Variants in TASP1 observed in about 807,000 individuals in gnomAD.
The protein encoded by TASP1 is taspase 1, also known as threonine aspartase 1.
A neutral mutation model predicts 56.6 loss-of-function variants in TASP1; 16 were observed. That is an observed-to-expected ratio of 0.28 (90% CI 0.19 to 0.43). The LOEUF (loss-of-function observed/expected upper bound fraction) is 0.43, where lower values mean the gene tolerates loss of function less well. TASP1 is among the 20% of genes least tolerant of loss of function. The pLI, the probability that TASP1 is intolerant of heterozygous loss-of-function variation, is 1.00. For synonymous variants in TASP1, 179 were observed against 184.2 expected, an observed-to-expected ratio of 0.97 and a Z score of 0.23; for missense variants, 393 against 511.6, an observed-to-expected ratio of 0.77 and a Z score of 2.24.
At chr20:13,263,505 A>G in the TASP1 span, among the ~76,000 whole-genome samples, 2 of 152,196 alleles carry the variant, frequency 1.3e-5, no homozygotes, top group Non-Finnish European at 2.9e-5. Context: ...CATGTTAAAG[A>G]TAATCAGTGT....
At chr20:13,249,778 GCGTTTTGTTTTGTTTTGTTTTGTTT>G in the TASP1 span, among the ~76,000 whole-genome samples, 14,070 of 143,170 alleles carry the variant, frequency 0.098, 748 homozygotes, top group Middle Eastern at 0.15. Context: ...ATTTTTTGTT[GCGTTTTGTTTTGTTTTGTTTTGTTT>G]TGTTTTGTTT....
chr20:13,334,558 TG>T, the TASP1 span, among the ~76,000 whole-genome samples: 1 of 152,192 alleles, frequency 6.6e-6, no homozygotes, highest in Non-Finnish European at 1.5e-5. Context: ...ACTAAAAGCT[TG>T]GATACTAAAT....
the TASP1 span, among the ~76,000 whole-genome samples, chr20:13,314,062 A>T: frequency 6.6e-6 from 1 of 152,222 alleles, no homozygotes; most frequent in Non-Finnish European, 1.5e-5. Context: ...AGACATCTCA[A>T]TAGAAACCAC....
chr20:13,371,223 C>G, the TASP1 span, among the ~76,000 whole-genome samples: 1 of 152,014 alleles, frequency 6.6e-6, no homozygotes, highest in Non-Finnish European at 1.5e-5. Context: ...TTCGTTTGCT[C>G]TTCTTTCTCC....
At chr20:13,296,727 T>A in the TASP1 span, among the ~76,000 whole-genome samples, 1 of 152,176 alleles carries the variant, frequency 6.6e-6, no homozygotes, top group East Asian at 1.9e-4. Flanking sequence ...TTGGTTAAGA[T>A]GCATTTTGTC....
chr20:13,243,596 C>T, the TASP1 span, among the ~76,000 whole-genome samples: 1 of 152,040 alleles, frequency 6.6e-6, no homozygotes, highest in Non-Finnish European at 1.5e-5. Context: ...GTAAAACGAC[C>T]ATCTGAATGC....
chr20:13,232,483 T>G, the TASP1 span, among the ~76,000 whole-genome samples: 1 of 152,256 alleles, frequency 6.6e-6, no homozygotes, highest in African/African-American at 2.4e-5. Context: ...TTTGTTCCTT[T>G]TTATTACCAA....
At chr20:13,532,600 C>T (rs1380983755) in intron 9 of TASP1, among the ~76,000 whole-genome samples, 4 of 152,182 alleles carry the variant, frequency 2.6e-5, no homozygotes, top group South Asian at 2.1e-4. Flanking sequence ...ATAAATTTTA[C>T]GGAAGTATTT....
the TASP1 span, among the ~76,000 whole-genome samples, chr20:13,370,283 CAAATT>C: frequency 4.0e-4 from 61 of 151,758 alleles, no homozygotes; most frequent in Non-Finnish European, 2.5e-4. Flanking sequence ...CACAATAACC[CAAATT>C]AAATTATATA....
the TASP1 span, among the ~76,000 whole-genome samples, chr20:13,126,317 T>A: frequency 7.0e-4 from 106 of 152,336 alleles, no homozygotes; most frequent in African/African-American, 2.5e-3. Context: ...GGAATCATTT[T>A]TTCTTCACAC....
chr20:13,357,607 A>G, the TASP1 span, among the ~76,000 whole-genome samples: 1 of 152,214 alleles, frequency 6.6e-6, no homozygotes, highest in Non-Finnish European at 1.5e-5. Flanking sequence ...AGTCTTATAT[A>G]CACGTAAAAT....
intron 13 of TASP1, among the ~76,000 whole-genome samples, chr20:13,405,298 C>A (rs1196401371): frequency 6.6e-6 from 1 of 152,120 alleles, no homozygotes; most frequent in Non-Finnish European, 1.5e-5. Context: ...GTTTAAAGTA[C>A]GTAAGCAGTT....
At chr20:13,373,995 C>T in the TASP1 span, among the ~76,000 whole-genome samples, 1 of 151,996 alleles carries the variant, frequency 6.6e-6, no homozygotes, top group Non-Finnish European at 1.5e-5. Flanking sequence ...TTTGCTTATT[C>T]TTTATTCTGC....
At position 13,467,186 on chromosome 20, in the gene TASP1, TAC is replaced by T. The variant is rs3042647; in HGVS notation, c.985+16039_985+16040del. Reference sequence around the variant, plus strand: ...GAGATGGAAATTAACACACATACAATACACACACACACACACACACACACACA... The same window carrying T: ...GAGATGGAAATTAACACACATACAATACACACACACACACACACACACACA... On this transcript the variant is annotated intron_variant, in intron 11 of 13. Transcript: ENST00000337743. Among the ~76,000 whole-genome samples the T allele has an allele frequency of 4.2e-3, 618 of 146,860 alleles. 3 individuals carry two copies. Among genetic ancestry groups the T allele is most frequent in the African/African-American group, 0.012 (497 of 39,878 alleles).
chr20:13,467,058 A>G (rs766502333), intron 11 of TASP1, among the ~76,000 whole-genome samples: 4 of 152,228 alleles, frequency 2.6e-5, no homozygotes, highest in Admixed American at 2.0e-4. Context: ...AAGGTTTCAA[A>G]TCATCAGGGA....
chr20:13,483,324 A>G lies in TASP1; in HGVS notation c.888T>C (p.His296=). The G allele has an allele frequency of 6.3e-7, 1 of 1,575,662 alleles. No individual in the cohort carries two copies. The highest frequency in any genetic ancestry group is 8.6e-7 in the Non-Finnish European group (1 of 1,159,352). The change falls in exon 11 of 14, where the codon CAT becomes CAC. Residue 296 remains histidine (H), a synonymous_variant. Coordinates refer to ENST00000337743, the MANE Select transcript of TASP1 (RefSeq NM_017714.3). ...CTCTAGCCAGTATGGTGCGCACAAGATGCTCTCCACATCCTAGAAATCCAA... is the reference window on the plus strand; with the variant it reads ...CTCTAGCCAGTATGGTGCGCACAAGGTGCTCTCCACATCCTAGAAATCCAA... ...TAVSTSGCGE[H]LVRTILAREC...
chr20:13,580,004 C>A (rs546746269), intron 6 of TASP1, among the ~76,000 whole-genome samples: 34 of 152,324 alleles, frequency 2.2e-4, no homozygotes, highest in South Asian at 8.3e-4. Context: ...ACCAGGCATG[C>A]TGAGCATAGA....
intron 6 of TASP1, among the ~76,000 whole-genome samples, chr20:13,573,053 A>T (rs2046773365): frequency 6.6e-6 from 1 of 152,248 alleles, no homozygotes; most frequent in Non-Finnish European, 1.5e-5. Flanking sequence ...AAATACAAAA[A>T]ACTGAAGAAA....
At chr20:13,553,568 A>G (rs1319143006) in intron 8 of TASP1, among the ~76,000 whole-genome samples, 1 of 152,208 alleles carries the variant, frequency 6.6e-6, no homozygotes, top group African/African-American at 2.4e-5. Context: ...ATAAGCAAGG[A>G]TGAAACAAAG....
Sources: gnomAD v4.1 joint callset for allele counts (sites outside exome capture counted in the v4.1 genomes callset) on GRCh38, gnomAD v4.1.1 for gene constraint, MANE v1.5 for transcripts, NCBI Gene and HGNC (gene_info 2026-07-23, HGNC 2026-07-21) for gene names.